SASH1: variants seen among roughly 807,000 people sequenced by gnomAD.
SASH1 encodes SAM and SH3 domain-containing protein 1.
In SASH1, 44 loss-of-function variants were observed where a neutral mutation model predicts 125.2. That is an observed-to-expected ratio of 0.35 (90% CI 0.28 to 0.45). SASH1 has a LOEUF of 0.45. Among genes scored for constraint, SASH1 ranks in the 20% least tolerant of loss-of-function variants. The pLI is 1.00. For synonymous variants in SASH1, 639 were observed against 649.1 expected (o/e 0.98, Z 0.24); for missense variants, 1,426 against 1,614.5 (o/e 0.88, Z 2.00).
intron 4 of SASH1, among the ~76,000 whole-genome samples, chr6:148,466,902 C>T (rs1777861600): frequency 6.6e-6 from 1 of 152,070 alleles, no homozygotes. Flanking sequence ...CTTCCATCTT[C>T]CTTCCTGGTG....
At chr6:148,232,085 C>T in the SASH1 span, among the ~76,000 whole-genome samples, 2 of 152,062 alleles carry the variant, frequency 1.3e-5, no homozygotes, top group African/African-American at 4.8e-5. Context: ...AAAGTCCATG[C>T]TCTTACTCGG....
At position 148,350,523 on chromosome 6, in the gene SASH1, C is replaced by T. The variant is rs142413493; in HGVS notation, c.156+7300C>T. 1.6e-3 allele frequency among the ~76,000 whole-genome samples: 242 copies of T among 152,214 alleles called. 1 individual carries two copies. The highest frequency in any genetic ancestry group is 5.3e-3 in the African/African-American group (221 of 41,556). Reference sequence around the variant, plus strand: ...ATGCAAATTTATTCATTTGCAAATCCGTAGCTCAATTTTACAAAGGATGTA... The same window carrying T: ...ATGCAAATTTATTCATTTGCAAATCTGTAGCTCAATTTTACAAAGGATGTA... On this transcript the variant is annotated intron_variant, in intron 1 of 19. Transcript: ENST00000367467.
chr6:148,397,236 T>C (rs1783993551), intron 2 of SASH1, among the ~76,000 whole-genome samples: 2 of 152,088 alleles, frequency 1.3e-5, no homozygotes, highest in Admixed American at 6.6e-5. Context: ...ATCCCAGCAC[T>C]TTGGGAGGCT....
chr6:148,207,671 T>C, the SASH1 span, among the ~76,000 whole-genome samples: 2 of 152,318 alleles, frequency 1.3e-5, no homozygotes, highest in Admixed American at 1.3e-4. Context: ...AGAGATGGAT[T>C]CATTTGCCCC....
intron 9 of SASH1, 82 bp downstream of exon 9, chr6:148,514,538 C>T (rs1215432886): frequency 7.4e-7 from 1 of 1,359,080 alleles, no homozygotes; most frequent in Admixed American, 3.4e-5. Flanking sequence ...GTCAGTTTCT[C>T]AGCAGAAAAG....
chr6:148,517,477 G>A (rs536917354), intron 9 of SASH1, among the ~76,000 whole-genome samples: 1 of 152,304 alleles, frequency 6.6e-6, no homozygotes, highest in South Asian at 2.1e-4. Context: ...CACTCTTCCA[G>A]TAGGGGAGTT....
chr6:148,240,213 C>G, the SASH1 span, among the ~76,000 whole-genome samples: 2,642 of 151,114 alleles, frequency 0.017, 83 homozygotes, highest in African/African-American at 0.061. Flanking sequence ...AAAGGAAACA[C>G]TCAAATGCTC....
At chr6:148,257,391 C>T in the SASH1 span, among the ~76,000 whole-genome samples, 1 of 152,182 alleles carries the variant, frequency 6.6e-6, no homozygotes, top group African/African-American at 2.4e-5. Flanking sequence ...TGGCATTCAT[C>T]TTAGAGACAA....
chr6:148,320,886 C>T (rs939786745), intron 1 of SASH1, among the ~76,000 whole-genome samples: 5 of 152,190 alleles, frequency 3.3e-5, no homozygotes, highest in African/African-American at 4.8e-5. Context: ...AGTCTGAGTC[C>T]AGTTTAGCCA....
intron 4 of SASH1, among the ~76,000 whole-genome samples, chr6:148,452,562 G>T (rs1244933786): frequency 6.6e-6 from 1 of 152,230 alleles, no homozygotes; most frequent in Non-Finnish European, 1.5e-5. Flanking sequence ...GTGGGACTGG[G>T]AACAAGTTAT....
intron 2 of SASH1, among the ~76,000 whole-genome samples, chr6:148,392,467 T>G (rs1783770106): frequency 6.6e-6 from 1 of 152,208 alleles, no homozygotes; most frequent in Non-Finnish European, 1.5e-5. Flanking sequence ...TTATGTTACA[T>G]ACAAGGGTTC....
At chr6:148,290,403 G>A (rs1236172245) in intron 1 of SASH1, among the ~76,000 whole-genome samples, 2 of 151,282 alleles carry the variant, frequency 1.3e-5, no homozygotes, top group African/African-American at 4.8e-5. Context: ...TCAGGAGATC[G>A]AGACCATCCT....
Position 148,428,629 on chromosome 6 carries a change from C to CA in SASH1, c.286-11542dup, listed in dbSNP as rs369165377. 6.2e-4 allele frequency among the ~76,000 whole-genome samples: 51 copies of CA among 81,788 alleles called. 1 individual carries two copies. The highest frequency in any genetic ancestry group is 4.5e-3 in the East Asian group (10 of 2,202). The allele number at this position is 81,788 out of a possible 152,430, so 53.7% of individuals were successfully genotyped here. On this transcript the variant is annotated intron_variant, in intron 2 of 19. Coordinates refer to ENST00000367467, the MANE Select transcript of SASH1 (RefSeq NM_015278.5). ...GAGCCACAAGAGTGAAACTTTATCT[C>CA]AAAAAAAAAAAAAGAGAATATAAAC...
At chr6:148,518,197 T>C (rs540816515) in intron 9 of SASH1, among the ~76,000 whole-genome samples, 5 of 152,270 alleles carry the variant, frequency 3.3e-5, no homozygotes, top group South Asian at 2.1e-4. Flanking sequence ...GGCTGGTGAA[T>C]TTCTGTGAGA....
intron 4 of SASH1, among the ~76,000 whole-genome samples, chr6:148,456,526 C>T (rs139248955): frequency 5.9e-5 from 9 of 152,250 alleles, no homozygotes; most frequent in Middle Eastern, 3.4e-3. Context: ...ATAGAGCAAA[C>T]GAATAATTTT....
Position 148,440,177 on chromosome 6 carries a change from G to A in SASH1, c.286-7G>A, listed in dbSNP as rs779240705. ...GTCCCGTTAAACTGGCATCTGTTCT[G>A]TTTTAGGAGAAACCCGATGCTAGCC... is the stretch of plus-strand genomic sequence containing the variant. On this transcript the variant is annotated splice_region_variant and splice_polypyrimidine_tract_variant and intron_variant, in intron 2 of 19. Coordinates refer to ENST00000367467, the MANE Select transcript of SASH1 (RefSeq NM_015278.5). 1 of 1,613,874 alleles carries A rather than the reference G, an allele frequency of 6.2e-7. No individual in the cohort carries two copies. Among genetic ancestry groups the A allele is most frequent in the East Asian group, 2.2e-5 (1 of 44,874 alleles).
At chr6:148,379,923 A>C (rs1347907696) in intron 1 of SASH1, 1 of 456,450 alleles carries the variant, frequency 2.2e-6, no homozygotes, top group East Asian at 6.9e-5. Context: ...TCCCAGGCCC[A>C]GGATTTTAAA....
At position 148,417,727 on chromosome 6, in the gene SASH1, T is replaced by TA. The variant is rs201121521; in HGVS notation, c.286-22449dup. On this transcript the variant is annotated intron_variant, in intron 2 of 19. Coordinates refer to ENST00000367467, the MANE Select transcript of SASH1 (RefSeq NM_015278.5). ...CCTCAGTTTCCTCATTGGTTTTTTTTAAAAAAAACTGGAAATAGGCAAAGT... is the reference window on the plus strand; with the variant it reads ...CCTCAGTTTCCTCATTGGTTTTTTTTAAAAAAAAACTGGAAATAGGCAAAGT... Among the ~76,000 whole-genome samples, 59 of 122,716 alleles carry TA rather than the reference T, an allele frequency of 4.8e-4. 1 individual carries two copies. The highest frequency in any genetic ancestry group is 9.6e-4 in the African/African-American group (32 of 33,242). 80.5% of individuals were successfully genotyped at this position (122,716 alleles called of 152,430 possible).
chr6:148,534,674 T>C lies in SASH1; in HGVS notation c.1945-77T>C, dbSNP rs574502172. Reference sequence around the variant, plus strand: ...GTGACTATGGGAACAGTGTGTGGGTTGCAGGCTAGTTGTTGGCGGTGTTAT... The same window carrying C: ...GTGACTATGGGAACAGTGTGTGGGTCGCAGGCTAGTTGTTGGCGGTGTTAT... On this transcript the variant is annotated intron_variant, in intron 15 of 19. Transcript: ENST00000367467. 8.7e-5 allele frequency: 121 copies of C among 1,385,266 alleles called. No individual in the cohort carries two copies. The African/African-American group carries it at 1.4e-3, about 16-fold the overall frequency. 85.8% of individuals were successfully genotyped at this position (1,385,266 alleles called of 1,614,324 possible).
Sources: allele counts gnomAD v4.1 joint callset (sites outside exome capture counted in the v4.1 genomes callset), GRCh38; gene constraint gnomAD v4.1.1; transcripts MANE v1.5; gene names NCBI Gene and HGNC (gene_info 2026-07-23, HGNC 2026-07-21).